LYPD6: variants seen among roughly 807,000 people sequenced by gnomAD.
LYPD6 encodes the protein LY6/PLAUR domain containing 6, also known as ly6/PLAUR domain-containing protein 6.
LYPD6 carries 15 observed loss-of-function variants against 22.7 expected under a neutral mutation model. That is an observed-to-expected ratio of 0.66 (90% CI 0.44 to 1.02). The LOEUF (loss-of-function observed/expected upper bound fraction) is 1.02. Ranked by LOEUF, LYPD6 falls within the 50% of genes least tolerant of loss-of-function variation. The pLI is 0.00. For missense variants in LYPD6, 189 were observed against 208.4 expected (o/e 0.91, Z 0.57); for synonymous variants, 72 against 77.5 (o/e 0.93, Z 0.37).
chr2:149,478,986 A>G (rs577303966), downstream of LYPD6, among the ~76,000 whole-genome samples: 1 of 152,224 alleles, frequency 6.6e-6, no homozygotes, highest in Admixed American at 6.5e-5. Flanking sequence ...AACCTCTTGA[A>G]AGACTTTTGT....
At chr2:149,403,310 A>T (rs1476789287) in intron 1 of LYPD6, among the ~76,000 whole-genome samples, 1 of 150,358 alleles carries the variant, frequency 6.7e-6, no homozygotes, top group East Asian at 2.0e-4. Flanking sequence ...CGCCACACTG[A>T]CTTCCACAAT....
chr2:149,402,155 C>T (rs2105110113), intron 1 of LYPD6, among the ~76,000 whole-genome samples: 1 of 152,028 alleles, frequency 6.6e-6, no homozygotes, highest in East Asian at 1.9e-4. Flanking sequence ...TAATAGTCTC[C>T]AATTCCATCC....
chr2:149,407,847 TC>T (rs1682757376), intron 1 of LYPD6, among the ~76,000 whole-genome samples: 1 of 152,194 alleles, frequency 6.6e-6, no homozygotes, highest in African/African-American at 2.4e-5. Flanking sequence ...CTCTGTTTTT[TC>T]CCCATCTTTG....
At chr2:149,356,368 T>C (rs1315288335) in intron 1 of LYPD6, among the ~76,000 whole-genome samples, 1 of 152,158 alleles carries the variant, frequency 6.6e-6, no homozygotes, top group Non-Finnish European at 1.5e-5. Context: ...TGACCCCTTT[T>C]CTATGTATTA....
chr2:149,477,006 G>A (rs181026112), downstream of LYPD6, among the ~76,000 whole-genome samples: 12 of 152,314 alleles, frequency 7.9e-5, no homozygotes, highest in East Asian at 2.3e-3. Context: ...GCGTTGGGTG[G>A]AAAGGGGCTG....
At chr2:149,342,248 GCC>G (rs924980203) in intron 1 of LYPD6, among the ~76,000 whole-genome samples, 1 of 152,048 alleles carries the variant, frequency 6.6e-6, no homozygotes, top group Non-Finnish European at 1.5e-5. Context: ...CAAATGCTAG[GCC>G]CCACCTTCAA....
Position 149,470,852 on chromosome 2 carries a change from G to T in LYPD6, c.*2G>T. Reference sequence around the variant, plus strand: ...TTGTGGTTAGGGCTCATGTTATAGTGGCTCAGTGGCTCCATGTGTTAATAG... The same window carrying T: ...TTGTGGTTAGGGCTCATGTTATAGTTGCTCAGTGGCTCCATGTGTTAATAG... On this transcript the variant is annotated 3_prime_UTR_variant, in exon 5 of 5. Transcript: ENST00000334166. 1 of 1,609,682 alleles carries T rather than the reference G, an allele frequency of 6.2e-7. No homozygotes were observed. The highest frequency in any genetic ancestry group is 1.3e-5 in the African/African-American group (1 of 74,868).
chr2:149,394,178 C>T (rs921373053), intron 1 of LYPD6, among the ~76,000 whole-genome samples: 11 of 152,300 alleles, frequency 7.2e-5, no homozygotes, highest in Admixed American at 5.9e-4. Flanking sequence ...CCTGTTGCTG[C>T]ACAGTCCTGT....
At chr2:149,334,868 ATGG>A (rs1681005314) in intron 1 of LYPD6, among the ~76,000 whole-genome samples, 1 of 151,790 alleles carries the variant, frequency 6.6e-6, no homozygotes, top group Non-Finnish European at 1.5e-5. Flanking sequence ...TGCTTATATG[ATGG>A]TGGTCCCATA....
At chr2:149,428,476 C>G (rs1009793703) in intron 1 of LYPD6, among the ~76,000 whole-genome samples, 1 of 152,218 alleles carries the variant, frequency 6.6e-6, no homozygotes, top group Non-Finnish European at 1.5e-5. Flanking sequence ...TCTTCTTCCT[C>G]CTCCATGATG....
Position 149,468,734 on chromosome 2 carries a change from T to C in LYPD6, c.307T>C (p.Leu103=). Residue 103 remains leucine (L), a synonymous_variant, in exon 4 of 5, where the codon TTA becomes CTA. Transcript: ENST00000334166. ...TKRCVPLEEC[L]STGCRDSEHE... is the part of the protein sequence containing the mutation. ...ACGCTGTGTCCCACTGGAAGAGTGCTTATCCACTGGCTGCAGAGACTCCGA... is the reference window on the plus strand; with the variant it reads ...ACGCTGTGTCCCACTGGAAGAGTGCCTATCCACTGGCTGCAGAGACTCCGA... 1 of 1,613,690 alleles carries C rather than the reference T, an allele frequency of 6.2e-7. No homozygotes were observed.
At chr2:149,451,103 G>T (rs367974195) in intron 3 of LYPD6, among the ~76,000 whole-genome samples, 2 of 152,244 alleles carry the variant, frequency 1.3e-5, no homozygotes, top group East Asian at 1.9e-4. Flanking sequence ...GTTATTTCTC[G>T]CAGTTCTTGA....
chr2:149,361,714 A>G (rs901761928), intron 1 of LYPD6, among the ~76,000 whole-genome samples: 3 of 152,222 alleles, frequency 2.0e-5, no homozygotes, highest in Admixed American at 1.3e-4. Context: ...TCATTTTTAT[A>G]TCCTTGGTAC....
At chr2:149,343,374 G>A (rs183962541) in intron 1 of LYPD6, among the ~76,000 whole-genome samples, 60 of 152,282 alleles carry the variant, frequency 3.9e-4, no homozygotes, top group African/African-American at 1.4e-3. Flanking sequence ...TGTCCTATCA[G>A]AGAAATCCCT....
chr2:149,372,483 A>G (rs1025835980), intron 1 of LYPD6, among the ~76,000 whole-genome samples: 7 of 152,220 alleles, frequency 4.6e-5, no homozygotes, highest in Admixed American at 1.3e-4. Flanking sequence ...GGGACAATTC[A>G]CAAGGACACC....
At chr2:149,369,632 G>C (rs1159639512) in intron 1 of LYPD6, among the ~76,000 whole-genome samples, 1 of 152,098 alleles carries the variant, frequency 6.6e-6, no homozygotes, top group East Asian at 1.9e-4. Flanking sequence ...TCTACCATGG[G>C]CAGCTGAAAT....
chr2:149,481,343 G>A, the LYPD6 span, among the ~76,000 whole-genome samples: 100 of 152,294 alleles, frequency 6.6e-4, no homozygotes, highest in Non-Finnish European at 1.0e-3. Context: ...TGTCAAAGCC[G>A]TAAAACTAGC....
intron 1 of LYPD6, among the ~76,000 whole-genome samples, chr2:149,419,514 TTCAGTTGTG>T: frequency 6.6e-6 from 1 of 152,338 alleles, no homozygotes; most frequent in African/African-American, 2.4e-5. Context: ...AGTCACACAT[TTCAGTTGTG>T]GCTAGTGGCT....
chr2:149,459,933 G>A lies in LYPD6; in HGVS notation c.218-8712G>A, dbSNP rs1167744162. 2.0e-5 allele frequency among the ~76,000 whole-genome samples: 3 copies of A among 151,700 alleles called. No individual in the cohort carries two copies. In the East Asian group the frequency reaches 5.8e-4, roughly 29 times the overall value. Reference sequence around the variant, plus strand: ...AAAAAAAAAATTATTACAAACAAGTGAAGGTATTAGGGCATAAAAAGAGGT... The same window carrying A: ...AAAAAAAAAATTATTACAAACAAGTAAAGGTATTAGGGCATAAAAAGAGGT... On this transcript the variant is annotated intron_variant, in intron 3 of 4. Coordinates refer to ENST00000334166, the MANE Select transcript of LYPD6 (RefSeq NM_194317.5).
Sources: gnomAD v4.1 joint callset for allele counts (sites outside exome capture counted in the v4.1 genomes callset) on GRCh38, gnomAD v4.1.1 for gene constraint, MANE v1.5 for transcripts, NCBI Gene and HGNC (gene_info 2026-07-23, HGNC 2026-07-21) for gene names.